Variants in GLG1 observed in about 807,000 individuals in gnomAD.
The protein encoded by GLG1 is Golgi apparatus protein 1.
A neutral mutation model predicts 160.5 loss-of-function variants in GLG1; 38 were observed. The observed-to-expected ratio is 0.24, with a 90% CI of 0.18 to 0.31. GLG1 has a LOEUF of 0.31. Among genes scored for constraint, GLG1 ranks in the 10% least tolerant of loss-of-function variants. The pLI is 1.00. For missense variants in GLG1, 1,373 were observed against 1,505.2 expected (o/e 0.91, Z 1.45); for synonymous variants, 644 against 543.4 (o/e 1.19, Z -2.57).
At chr16:74,523,605 C>A (rs1348287325) in intron 2 of GLG1, among the ~76,000 whole-genome samples, 1 of 152,060 alleles carries the variant, frequency 6.6e-6, no homozygotes, top group South Asian at 2.1e-4. Context: ...CTTCAAATTT[C>A]TCTTAATAAT....
chr16:74,534,987 T>A (rs563719368), intron 1 of GLG1, among the ~76,000 whole-genome samples: 1 of 152,152 alleles, frequency 6.6e-6, no homozygotes, highest in Non-Finnish European at 1.5e-5. Context: ...TGTGCCTGGG[T>A]AGTTTGGCCT....
At position 74,453,323 on chromosome 16, in the gene GLG1, T is replaced by C. The variant is rs1411339360; in HGVS notation, c.3384A>G (p.Ala1128=). The part of the protein sequence containing the change: ...MWSYAAKVAP[A]DGFSDLAMQV... ...GCATGGCAAGATCAGAGAAGCCATC[T>C]GCTGGGGCCACCTAGAATGACACAA... is the stretch of plus-strand genomic sequence containing the variant. The change falls in exon 26 of 26, where the codon GCA becomes GCG. Residue 1128 remains alanine, a synonymous_variant. Coordinates refer to ENST00000422840, the MANE Select transcript of GLG1 (RefSeq NM_001145667.2). The C allele has an allele frequency of 6.2e-7, 1 of 1,611,848 alleles. No homozygotes were observed. Among genetic ancestry groups the C allele is most frequent in the Non-Finnish European group, 8.5e-7 (1 of 1,178,014 alleles).
At chr16:74,466,466 A>G (rs1416853681) in intron 18 of GLG1, among the ~76,000 whole-genome samples, 1 of 152,234 alleles carries the variant, frequency 6.6e-6, no homozygotes, top group African/African-American at 2.4e-5. Context: ...AAGGTGCAGC[A>G]GCTGGGGCTA....
Position 74,459,783 on chromosome 16 carries a change from T to C in GLG1, c.3043A>G (p.Ser1015Gly), listed in dbSNP as rs763867401. Reference sequence around the variant, plus strand: ...GCTGCTGCTTCTTCAGCACATAGACTGGAGATCTGTTCAGGAGACACAAAA... The same window carrying C: ...GCTGCTGCTTCTTCAGCACATAGACCGGAGATCTGTTCAGGAGACACAAAA... ...LQLHCSDEIS[S>G]LCAEEAAAQE... is the part of the protein sequence containing the mutation. Residue 1015 changes from serine to glycine, a missense_variant, in exon 23 of 26, where the codon AGT becomes GGT. Ser to Gly is a moderately conservative substitution (Grantham distance 56). Coordinates refer to ENST00000422840, the MANE Select transcript of GLG1 (RefSeq NM_001145667.2). 1.1e-5 allele frequency: 17 copies of C among 1,581,364 alleles called. No homozygotes were observed. Among genetic ancestry groups the C allele is most frequent in the Non-Finnish European group, 1.5e-5 (17 of 1,153,828 alleles).
Position 74,560,264 on chromosome 16 carries a change from C to G in GLG1, c.439-28111G>C, listed in dbSNP as rs1356850310. Among the ~76,000 whole-genome samples, 8 of 151,456 alleles carry G rather than the reference C, an allele frequency of 5.3e-5. No homozygotes were observed. The East Asian group carries it at 1.2e-3, about 22-fold the overall frequency. ...AAAAGGCTGAAGCTCCCCCAGGACT[C>G]CAGAATCAAAGAAAGGGGGGATTTC... On this transcript the variant is annotated intron_variant, in intron 1 of 25. Transcript: ENST00000422840.
intron 8 of GLG1, 106 bp from the exon 9 acceptor site, chr16:74,486,023 T>G (rs2143343451): frequency 1.2e-6 from 1 of 814,070 alleles, no homozygotes; most frequent in Non-Finnish European, 1.9e-6. Context: ...CACAATGTAC[T>G]CCAATAAAGT....
intron 2 of GLG1, among the ~76,000 whole-genome samples, chr16:74,510,711 G>C (rs1477588203): frequency 6.6e-6 from 1 of 152,204 alleles, no homozygotes; most frequent in Non-Finnish European, 1.5e-5. Context: ...TGTTTACTGA[G>C]TACATACTGT....
At chr16:74,520,563 G>T (rs939552206) in intron 2 of GLG1, among the ~76,000 whole-genome samples, 1 of 152,144 alleles carries the variant, frequency 6.6e-6, no homozygotes, top group Non-Finnish European at 1.5e-5. Context: ...TTGAACCCAG[G>T]GGGCGGTGGT....
At chr16:74,471,911 C>CTTTTTCT (rs10631818) in intron 14 of GLG1, among the ~76,000 whole-genome samples, 150,360 of 151,836 alleles carry the variant, frequency 0.99, 74,483 homozygotes, top group East Asian at 1. Context: ...ATCTTGTTTA[C>CTTTTTCT]TTTTTCTTTT....
At chr16:74,605,245 T>C (rs1385048713) in intron 1 of GLG1, among the ~76,000 whole-genome samples, 1 of 135,548 alleles carries the variant, frequency 7.4e-6, no homozygotes, top group African/African-American at 2.8e-5. Flanking sequence ...CTCTGGAGCA[T>C]AAAACTGCCT....
chr16:74,510,089 T>C (rs1310371126), intron 2 of GLG1, among the ~76,000 whole-genome samples: 1 of 150,260 alleles, frequency 6.7e-6, no homozygotes, highest in Non-Finnish European at 1.5e-5. Flanking sequence ...TGCAGTGCAA[T>C]GGCGCGATCT....
In GLG1 at chr16:74,463,232, C is replaced by T. The variant is rs2014869634; in HGVS notation, c.2791+124G>A. On this transcript the variant is annotated intron_variant, in intron 20 of 25. Coordinates refer to ENST00000422840, the MANE Select transcript of GLG1 (RefSeq NM_001145667.2). ...TCAAAGGAGGAAGGCCCTGCTTACA[C>T]TCAGACTCCTCCCTTAAAATTCCCA... 4 of 915,870 alleles carry T rather than the reference C, an allele frequency of 4.4e-6. No homozygotes were observed. The African/African-American group carries it at 4.9e-5, about 11-fold the overall frequency. 56.7% of individuals were successfully genotyped at this position (915,870 alleles called of 1,614,324 possible). A position where few individuals can be genotyped will look rare whatever the true frequency, so the allele number is the denominator to read the frequency against.
chr16:74,483,916 C>T (rs1288935240), intron 9 of GLG1, among the ~76,000 whole-genome samples: 1 of 152,176 alleles, frequency 6.6e-6, no homozygotes, highest in Non-Finnish European at 1.5e-5. Flanking sequence ...GCCTCGGCCT[C>T]CCAAAGTGCT....
At chr16:74,467,911 G>T in intron 17 of GLG1, 63 bp from the exon 18 acceptor site, 1 of 1,090,614 alleles carries the variant, frequency 9.2e-7, no homozygotes. Flanking sequence ...CATATGTTCT[G>T]GAGACTTATT....
intron 25 of GLG1, 37 bp from the exon 26 acceptor site, chr16:74,453,371 G>C (rs762914741): frequency 3.5e-6 from 5 of 1,428,268 alleles, no homozygotes; most frequent in East Asian, 4.6e-5. Context: ...CTCTGAGAGA[G>C]CACTGGGCTG....
chr16:74,503,879 G>T, intron 3 of GLG1, 133 bp from the exon 4 acceptor site: 1 of 636,148 alleles, frequency 1.6e-6, no homozygotes, highest in Non-Finnish European at 2.7e-6. Flanking sequence ...AAAGAAAAAT[G>T]CTTAGAAATA....
At chr16:74,498,433 C>CAAAAA (rs752055366) in intron 4 of GLG1, among the ~76,000 whole-genome samples, 14 of 30,236 alleles carry the variant, frequency 4.6e-4, no homozygotes, top group African/African-American at 1.2e-3. Flanking sequence ...GGCTCTGTCT[C>CAAAAA]AAAAAAAAAA....
At chr16:74,526,714 A>G (rs910437783) in intron 2 of GLG1, among the ~76,000 whole-genome samples, 1 of 152,198 alleles carries the variant, frequency 6.6e-6, no homozygotes, top group African/African-American at 2.4e-5. Context: ...ACAGACCAAG[A>G]CCTTGTCTCA....
At position 74,453,255 on chromosome 16, in the gene GLG1, A is replaced by G; in HGVS notation, c.3452T>C (p.Ile1151Thr). ...GAACAATATACAGATGCTCCCACTG[A>G]TCACAGAGAGAATGTAGTTCTTAGA... is the stretch of plus-strand genomic sequence containing the variant. Reference protein sequence around the residue: ...SPSKNYILSVISGSICILFLI... With the variant: ...SPSKNYILSVTSGSICILFLI... The change falls in exon 26 of 26, where the codon ATC becomes ACC. Residue 1151 changes from isoleucine (I) to threonine (T), a missense_variant. Coordinates refer to ENST00000422840, the MANE Select transcript of GLG1 (RefSeq NM_001145667.2). 6.2e-7 allele frequency: 1 copy of G among 1,613,654 alleles called. No individual in the cohort carries two copies. The highest frequency in any genetic ancestry group is 2.2e-5 in the East Asian group (1 of 44,870).
Sources: allele counts gnomAD v4.1 joint callset (sites outside exome capture counted in the v4.1 genomes callset), GRCh38; gene constraint gnomAD v4.1.1; transcripts MANE v1.5; gene names NCBI Gene and HGNC (gene_info 2026-07-23, HGNC 2026-07-21).